Variants in CR1 observed in about 807,000 individuals in gnomAD.
CR1 encodes complement receptor type 1.
CR1 carries 116 observed loss-of-function variants against 187.3 expected under a neutral mutation model. That is an observed-to-expected ratio of 0.62 (90% CI 0.53 to 0.72). The LOEUF (loss-of-function observed/expected upper bound fraction) is 0.72, where lower values mean the gene tolerates loss of function less well. Among genes scored for constraint, CR1 ranks in the 30% least tolerant of loss-of-function variants. CR1 has a pLI of 0.00. For synonymous variants in CR1, 576 were observed against 747.1 expected, an observed-to-expected ratio of 0.77 and a Z score of 3.73; for missense variants, 1,731 against 2,110.7, an observed-to-expected ratio of 0.82 and a Z score of 3.52.
intron 35 of CR1, among the ~76,000 whole-genome samples, chr1:207,604,196 C>T (rs1023392504): frequency 4.6e-5 from 7 of 152,054 alleles, no homozygotes; most frequent in Non-Finnish European, 8.8e-5. Flanking sequence ...TTCCATTTTT[C>T]GTTTGTAAAT....
chr1:207,617,636 G>T (rs1455789541), intron 41 of CR1, among the ~76,000 whole-genome samples: 18 of 77,856 alleles, frequency 2.3e-4, no homozygotes, highest in African/African-American at 3.8e-4. Flanking sequence ...GAGAGAGAGA[G>T]AGAGAGAGAG....
chr1:207,629,456 T>C (rs1345023532), intron 45 of CR1, among the ~76,000 whole-genome samples: 1 of 152,082 alleles, frequency 6.6e-6, no homozygotes, highest in Non-Finnish European at 1.5e-5. Context: ...CCTTGGAAGG[T>C]CATACCACCT....
At chr1:207,567,446 T>A (rs1240837221) in intron 24 of CR1, among the ~76,000 whole-genome samples, 1 of 150,290 alleles carries the variant, frequency 6.7e-6, no homozygotes, top group Non-Finnish European at 1.5e-5. Flanking sequence ...GGCTCCTTCC[T>A]CAGCGCTGTG....
chr1:207,511,160 CCATCCATG>C (rs1057262149), intron 3 of CR1, among the ~76,000 whole-genome samples: 1 of 152,020 alleles, frequency 6.6e-6, no homozygotes, highest in Non-Finnish European at 1.5e-5. Context: ...TGATAAAAGC[CCATCCATG>C]CATCCATGCA....
intron 4 of CR1, among the ~76,000 whole-genome samples, chr1:207,520,163 G>A (rs1571514195): frequency 6.6e-6 from 1 of 152,194 alleles, no homozygotes; most frequent in African/African-American, 2.4e-5. Context: ...CATGCCAGAA[G>A]CAGGGCTTAG....
At position 207,597,432 on chromosome 1, in the gene CR1, A is replaced by G. The variant is rs970270381; in HGVS notation, c.5810+8658A>G. Among the ~76,000 whole-genome samples, 12 of 152,246 alleles carry G rather than the reference A, an allele frequency of 7.9e-5. No homozygotes were observed. In the East Asian group the frequency reaches 1.2e-3, roughly 15 times the overall value. On this transcript the variant is annotated intron_variant, in intron 35 of 46. Transcript: ENST00000367049. ...GAAAACTCAGTAACTGAAAATGAGC[A>G]AATGATGTGATAGACATGTCTCCAA...
At chr1:207,596,545 C>T (rs754359367) in intron 35 of CR1, among the ~76,000 whole-genome samples, 13 of 151,868 alleles carry the variant, frequency 8.6e-5, no homozygotes, top group Non-Finnish European at 1.5e-4. Flanking sequence ...ACCCGGGAGG[C>T]GGAGGTTGCA....
intron 46 of CR1, among the ~76,000 whole-genome samples, chr1:207,635,145 T>A (rs56366665): frequency 6.6e-6 from 1 of 152,102 alleles, no homozygotes; most frequent in Non-Finnish European, 1.5e-5. Context: ...CACCTGTGGA[T>A]GTTTCTCATT....
chr1:207,566,892 C>T lies in CR1; in HGVS notation c.3953-932C>T, dbSNP rs533588030. Reference sequence around the variant, plus strand: ...TGTTGTTAGAAATATACTTGGACATCTTACAGTGATTTTTAGAGTAAAATT... The same window carrying T: ...TGTTGTTAGAAATATACTTGGACATTTTACAGTGATTTTTAGAGTAAAATT... On this transcript the variant is annotated intron_variant, in intron 24 of 46. Transcript: ENST00000367049. Among the ~76,000 whole-genome samples the T allele has an allele frequency of 9.1e-4, 137 of 150,282 alleles. 2 individuals are homozygous for T. The highest frequency in any genetic ancestry group is 6.8e-3 in the Middle Eastern group (2 of 292).
At chr1:207,597,496 G>A (rs1273795446) in intron 35 of CR1, among the ~76,000 whole-genome samples, 5 of 152,162 alleles carry the variant, frequency 3.3e-5, no homozygotes, top group Non-Finnish European at 4.4e-5. Flanking sequence ...ATCAAAAGAT[G>A]TTCAACATCA....
intron 45 of CR1, among the ~76,000 whole-genome samples, chr1:207,629,013 C>T (rs545882310): frequency 1.3e-4 from 20 of 152,162 alleles, no homozygotes; most frequent in African/African-American, 3.6e-4. Context: ...TAAAAATATG[C>T]GCCTGCACGT....
chr1:207,499,724 T>C (rs1452566239), intron 1 of CR1, among the ~76,000 whole-genome samples: 2 of 152,212 alleles, frequency 1.3e-5, no homozygotes, highest in Non-Finnish European at 2.9e-5. Flanking sequence ...TCTGGTTTGG[T>C]TATCCCTGCT....
At chr1:207,499,694 C>CA (rs1326265224) in intron 1 of CR1, among the ~76,000 whole-genome samples, 1 of 152,198 alleles carries the variant, frequency 6.6e-6, no homozygotes, top group Non-Finnish European at 1.5e-5. Flanking sequence ...CTGGCGCCCT[C>CA]ACGTGGTCCT....
At position 207,599,161 on chromosome 1, in the gene CR1, C is replaced by T. The variant is rs191708574; in HGVS notation, c.5811-8090C>T. Among the ~76,000 whole-genome samples the T allele has an allele frequency of 3.0e-4, 45 of 151,686 alleles. 1 individual carries two copies. The East Asian group carries it at 7.9e-3, about 27-fold the overall frequency. On this transcript the variant is annotated intron_variant, in intron 35 of 46. Transcript: ENST00000367049. Reference sequence around the variant, plus strand: ...AACAGTAGATAAGCAATAGACAACCCGATATAAAAATGAGGAAAGAATATG... The same window carrying T: ...AACAGTAGATAAGCAATAGACAACCTGATATAAAAATGAGGAAAGAATATG...
intron 35 of CR1, among the ~76,000 whole-genome samples, chr1:207,601,624 A>G (rs1231557449): frequency 6.6e-6 from 1 of 152,148 alleles, no homozygotes; most frequent in Non-Finnish European, 1.5e-5. Flanking sequence ...CCACCCTAAA[A>G]GGGGCTGAAG....
chr1:207,581,029 G>A (rs1660919451), intron 31 of CR1, among the ~76,000 whole-genome samples: 1 of 151,870 alleles, frequency 6.6e-6, no homozygotes. Context: ...AAATCATTTT[G>A]GAAAACGTGC....
At chr1:207,591,150 A>T in intron 35 of CR1, among the ~76,000 whole-genome samples, 1 of 152,192 alleles carries the variant, frequency 6.6e-6, no homozygotes, top group Non-Finnish European at 1.5e-5. Flanking sequence ...CAGAATATAC[A>T]TTCTTCTCAG....
chr1:207,596,577 G>A (rs1661447890), intron 35 of CR1, among the ~76,000 whole-genome samples: 1 of 151,946 alleles, frequency 6.6e-6, no homozygotes, highest in African/African-American at 2.4e-5. Context: ...TGGTGCCACT[G>A]CACCCCAGCC....
In CR1 at chr1:207,580,633, C is replaced by A. The variant is rs749221330; in HGVS notation, c.5216+20C>A. ...TGAAGGGTAAGTGTGACCCAGAATT[C>A]AGATCAGGGACTCAGCACTGCAGAG... On this transcript the variant is annotated intron_variant, in intron 31 of 46. Coordinates refer to ENST00000367049, the MANE Select transcript of CR1 (RefSeq NM_000651.6). 3.0e-5 allele frequency: 48 copies of A among 1,599,704 alleles called. No individual in the cohort carries two copies. Among genetic ancestry groups the A allele is most frequent in the Non-Finnish European group, 3.3e-5 (39 of 1,168,616 alleles).
Sources: gnomAD v4.1 joint callset for allele counts (sites outside exome capture counted in the v4.1 genomes callset) on GRCh38, gnomAD v4.1.1 for gene constraint, MANE v1.5 for transcripts, NCBI Gene and HGNC (gene_info 2026-07-23, HGNC 2026-07-21) for gene names.